Variants in RBFOX3 observed in about 807,000 individuals in gnomAD.
RBFOX3 encodes RNA binding protein fox-1 homolog 3.
Under a neutral mutation model 48.7 loss-of-function variants are expected in RBFOX3, and 17 were observed. The observed-to-expected ratio is 0.35, with a 90% CI of 0.24 to 0.52. The LOEUF (loss-of-function observed/expected upper bound fraction) is 0.52. Among genes scored for constraint, RBFOX3 ranks in the 20% least tolerant of loss-of-function variants. The pLI, the probability that RBFOX3 is intolerant of heterozygous loss-of-function variation, is 0.94. For missense variants in RBFOX3, 382 were observed against 497.5 expected, an observed-to-expected ratio of 0.77 and a Z score of 2.21; for synonymous variants, 212 against 209.5, an observed-to-expected ratio of 1.01 and a Z score of -0.10.
At chr17:79,215,766 C>T (rs1365248930) in intron 4 of RBFOX3, among the ~76,000 whole-genome samples, 2 of 152,270 alleles carry the variant, frequency 1.3e-5, no homozygotes, top group East Asian at 1.9e-4. Flanking sequence ...CCACGCTGGG[C>T]ACCGCCCTCT....
rs1031056310 is a variant in RBFOX3 at position 79,242,967 on chromosome 17, G to A, written c.-73-7162C>T. Among the ~76,000 whole-genome samples the A allele has an allele frequency of 5.3e-5, 8 of 152,154 alleles. No individual in the cohort carries two copies. The highest frequency in any genetic ancestry group is 3.2e-3 in the Middle Eastern group (1 of 316). ...CTCTGCCTGCGTGGACACTGCTGTG[G>A]GCCCCGTGACAGCAGCATGCATGCC... On this transcript the variant is annotated intron_variant, in intron 3 of 14. Transcript: ENST00000693108. The surrounding 1 kb of genome is among the most constrained non-coding windows in gnomAD (Gnocchi z 5.8).
Position 79,482,174 on chromosome 17 carries a change from C to T in RBFOX3, c.-175+280G>A, listed in dbSNP as rs1052554727. Among the ~76,000 whole-genome samples the T allele has an allele frequency of 6.6e-5, 10 of 152,232 alleles. No individual in the cohort carries two copies. Among genetic ancestry groups the T allele is most frequent in the Non-Finnish European group, 8.8e-5 (6 of 68,004 alleles). The stretch of plus-strand genomic sequence containing the variant: ...ACAGTGGACCCCACACCCCGCCCAC[C>T]CTCCTTCCAGGACTAACTGCCCCGC... On this transcript the variant is annotated intron_variant, in intron 2 of 14. Transcript: ENST00000693108. The surrounding 1 kb of genome is among the most constrained non-coding windows in gnomAD (Gnocchi z 4.1).
Position 79,361,368 on chromosome 17 carries a change from G to A in RBFOX3, c.-174-53544C>T, listed in dbSNP as rs527514956. Among the ~76,000 whole-genome samples the A allele has an allele frequency of 6.6e-6, 1 of 152,198 alleles. No homozygotes were observed. Among genetic ancestry groups the A allele is most frequent in the Non-Finnish European group, 1.5e-5 (1 of 68,028 alleles). ...GCTAACAGCTCTGTGCAGGTGGCAT[G>A]AGCTTGCATCCCCCACTGCCTTCCT... On this transcript the variant is annotated intron_variant, in intron 2 of 14. Transcript: ENST00000693108. The surrounding 1 kb of genome is among the most constrained non-coding windows in gnomAD (Gnocchi z 4.5).
chr17:79,466,031 T>A (rs2076271268), intron 2 of RBFOX3, among the ~76,000 whole-genome samples: 1 of 152,132 alleles, frequency 6.6e-6, no homozygotes, highest in East Asian at 1.9e-4. Flanking sequence ...CATATCCACA[T>A]CCAAGGGCTG....
At position 79,205,658 on chromosome 17, in the gene RBFOX3, T is replaced by C. The variant is rs1414760784; in HGVS notation, c.-34+30108A>G. ...AAAACAGAACCCTACAAAAACCAGA[T>C]GAATCAGAGTGGGTGATGGTGGATT... On this transcript the variant is annotated intron_variant, in intron 4 of 14. Transcript: ENST00000693108. The surrounding 1 kb of genome is among the most constrained non-coding windows in gnomAD (Gnocchi z 4.5). Among the ~76,000 whole-genome samples the C allele has an allele frequency of 2.0e-5, 3 of 152,138 alleles. No individual in the cohort carries two copies. Among genetic ancestry groups the C allele is most frequent in the East Asian group, 3.8e-4 (2 of 5,198 alleles).
At position 79,356,379 on chromosome 17, in the gene RBFOX3, T is replaced by TGTTTTTG. The variant is rs2085118040; in HGVS notation, c.-174-48556_-174-48555insCAAAAAC. ...TTTTTTTTTTTTTTTTTTTTTTTTTTTTTTTTTGAGGAGGAGTCTCACTCT... is the reference window on the plus strand; with the variant it reads ...TTTTTTTTTTTTTTTTTTTTTTTTTTGTTTTTGTTTTTTTGAGGAGGAGTCTCACTCT... On this transcript the variant is annotated intron_variant, in intron 2 of 14. Coordinates refer to ENST00000693108, the MANE Select transcript of RBFOX3 (RefSeq NM_001350451.2). Among the ~76,000 whole-genome samples, 3 of 107,094 alleles carry TGTTTTTG rather than the reference T, an allele frequency of 2.8e-5. 1 individual carries two copies. Among genetic ancestry groups the TGTTTTTG allele is most frequent in the Admixed American group, 2.1e-4 (2 of 9,750 alleles). 70.3% of individuals were successfully genotyped at this position (107,094 alleles called of 152,430 possible). A position where few individuals can be genotyped will look rare whatever the true frequency, so the allele number is the denominator to read the frequency against.
chr17:79,105,827 C>T (rs1241717351), intron 6 of RBFOX3, among the ~76,000 whole-genome samples: 4 of 152,092 alleles, frequency 2.6e-5, no homozygotes, highest in South Asian at 2.1e-4. Context: ...GGAAGAAACA[C>T]GGCCGGGCTG....
In RBFOX3 at chr17:79,220,545, T is replaced by C. The variant is rs758630867; in HGVS notation, c.-34+15221A>G. ...CTGCTGCCTGGATCTCTGTTCAGAG[T>C]TGAACTACAGCGTCCTGATTCCAGC... On this transcript the variant is annotated intron_variant, in intron 4 of 14. Coordinates refer to ENST00000693108, the MANE Select transcript of RBFOX3 (RefSeq NM_001350451.2). This position sits in a 1 kb window ranked among gnomAD's most constrained non-coding sequence, Gnocchi z 5.9. Among the ~76,000 whole-genome samples, 42 of 151,830 alleles carry C rather than the reference T, an allele frequency of 2.8e-4. No homozygotes were observed. The highest frequency in any genetic ancestry group is 3.8e-4 in the Non-Finnish European group (26 of 67,976).
Position 79,214,150 on chromosome 17 carries a change from C to A in RBFOX3, c.-34+21616G>T, listed in dbSNP as rs117472193. Among the ~76,000 whole-genome samples, 809 of 152,306 alleles carry A rather than the reference C, an allele frequency of 5.3e-3. 3 individuals carry two copies. Among genetic ancestry groups the A allele is most frequent in the Middle Eastern group, 0.017 (5 of 294 alleles). The stretch of plus-strand genomic sequence containing the variant: ...CTTTGGTAAACCATGATGGATCTCT[C>A]TTTAGGAACTGCCCCTCACCAGAGC... On this transcript the variant is annotated intron_variant, in intron 4 of 14. Coordinates refer to ENST00000693108, the MANE Select transcript of RBFOX3 (RefSeq NM_001350451.2). The surrounding 1 kb of genome is among the most constrained non-coding windows in gnomAD (Gnocchi z 4.7).
intron 14 of RBFOX3, chr17:79,092,306 C>T: frequency 1.0e-6 from 1 of 985,514 alleles, no homozygotes; most frequent in Non-Finnish European, 1.2e-6. Flanking sequence ...CACACCGTAC[C>T]TGCAATGGCT....
At chr17:79,436,707 A>C (rs2069541459) in intron 2 of RBFOX3, among the ~76,000 whole-genome samples, 1 of 152,114 alleles carries the variant, frequency 6.6e-6, no homozygotes, top group Non-Finnish European at 1.5e-5. Flanking sequence ...AGGGGGAAGA[A>C]AGAAGAAAGC....
intron 3 of RBFOX3, among the ~76,000 whole-genome samples, chr17:79,281,141 G>A (rs375607829): frequency 5.8e-4 from 89 of 152,354 alleles, no homozygotes; most frequent in African/African-American, 2.1e-3. Context: ...TGGGAGCTTC[G>A]CGTGTCTTCC....
At chr17:79,595,971 T>C (rs917507178) in intron 1 of RBFOX3, among the ~76,000 whole-genome samples, 23 of 152,346 alleles carry the variant, frequency 1.5e-4, no homozygotes, top group Non-Finnish European at 3.1e-4. Flanking sequence ...CTCCGAAGGA[T>C]GCAGCTGGCC....
chr17:79,602,800 C>G (rs913955921), intron 1 of RBFOX3, among the ~76,000 whole-genome samples: 28 of 152,102 alleles, frequency 1.8e-4, no homozygotes, highest in Non-Finnish European at 3.2e-4. Context: ...AGCGATGTGG[C>G]AGCAAACTAT....
chr17:79,333,148 A>C (rs2080665033), intron 2 of RBFOX3, among the ~76,000 whole-genome samples: 1 of 152,126 alleles, frequency 6.6e-6, no homozygotes. Context: ...AGGCCAGGGG[A>C]GACCCTGCCA....
intron 2 of RBFOX3, among the ~76,000 whole-genome samples, chr17:79,448,140 A>C (rs1356794737): frequency 1.3e-5 from 2 of 152,168 alleles, no homozygotes; most frequent in African/African-American, 4.8e-5. Flanking sequence ...TAAATTACCC[A>C]GTCTCAGGTA....
At chr17:79,405,360 G>A (rs182800117) in intron 2 of RBFOX3, among the ~76,000 whole-genome samples, 4 of 152,158 alleles carry the variant, frequency 2.6e-5, no homozygotes, top group Non-Finnish European at 5.9e-5. Flanking sequence ...CACTTCCCCC[G>A]ATACTTCAGC....
chr17:79,306,580 T>C (rs958712967), intron 3 of RBFOX3, among the ~76,000 whole-genome samples: 19 of 151,988 alleles, frequency 1.3e-4, no homozygotes, highest in African/African-American at 4.6e-4. Context: ...GAGGGTGGGG[T>C]CTTCCTCAGG....
intron 2 of RBFOX3, among the ~76,000 whole-genome samples, chr17:79,453,555 G>A (rs1023952583): frequency 1.7e-4 from 26 of 152,342 alleles, no homozygotes; most frequent in Admixed American, 4.6e-4. Context: ...GCCGCCTGCT[G>A]CAGCCCCACA....
Sources: gnomAD v4.1 joint callset for allele counts (sites outside exome capture counted in the v4.1 genomes callset) on GRCh38, gnomAD v4.1.1 for gene constraint, Gnocchi (gnomAD v3.1) non-coding constraint, MANE v1.5 for transcripts, NCBI Gene and HGNC (gene_info 2026-07-23, HGNC 2026-07-21) for gene names.